THSD7B: variants seen among roughly 807,000 people sequenced by gnomAD.
The protein encoded by THSD7B is thrombospondin type-1 domain-containing protein 7B.
Under a neutral mutation model 213.6 loss-of-function variants are expected in THSD7B, and 138 were observed. That is an observed-to-expected ratio of 0.65 (90% CI 0.56 to 0.74). The LOEUF is 0.74. THSD7B is among the 30% of genes least tolerant of loss of function. The pLI is 0.00. For missense variants in THSD7B, 1,931 were observed against 1,991.5 expected (o/e 0.97, Z 0.58); for synonymous variants, 742 against 687.0 (o/e 1.08, Z -1.25).
intron 4 of THSD7B, among the ~76,000 whole-genome samples, chr2:137,113,594 A>G (rs1212883477): frequency 6.6e-6 from 1 of 151,956 alleles, no homozygotes; most frequent in Non-Finnish European, 1.5e-5. Context: ...GTGCCACCAC[A>G]TCCGGCTAAT....
chr2:137,644,095 G>C (rs1682986938), intron 21 of THSD7B, among the ~76,000 whole-genome samples: 1 of 152,120 alleles, frequency 6.6e-6, no homozygotes, highest in Non-Finnish European at 1.5e-5. Flanking sequence ...GGAGGGTTAT[G>C]GCATCTATTG....
chr2:137,220,243 G>A (rs1196598699), intron 7 of THSD7B, among the ~76,000 whole-genome samples: 1 of 149,814 alleles, frequency 6.7e-6, no homozygotes, highest in Non-Finnish European at 1.5e-5. Flanking sequence ...TTAGAAAATG[G>A]AAAAAAAAAA....
rs1171544740 is a variant in THSD7B at position 137,546,454 on chromosome 2, AT to A, written c.3139-16765del. Among the ~76,000 whole-genome samples the A allele has an allele frequency of 5.9e-4, 18 of 30,652 alleles. 1 individual carries two copies. The highest frequency in any genetic ancestry group is 4.1e-3 in the African/African-American group (16 of 3,864). The allele number at this position is 30,652 out of a possible 152,430, so 20.1% of individuals were successfully genotyped here. ...TATATATTATATATATTATATATAT[AT>A]TATATATAATATATATATATATAAT... is the stretch of plus-strand genomic sequence containing the variant. On this transcript the variant is annotated intron_variant, in intron 15 of 27. Transcript: ENST00000409968.
At chr2:136,879,647 G>A (rs1683585159) in intron 1 of THSD7B, among the ~76,000 whole-genome samples, 1 of 152,052 alleles carries the variant, frequency 6.6e-6, no homozygotes, top group African/African-American at 2.4e-5. Context: ...CTTGTAAGTT[G>A]GATTCCTAGG....
At chr2:137,095,232 G>A in intron 4 of THSD7B, 111 bp downstream of exon 4, 4 of 1,401,690 alleles carry the variant, frequency 2.9e-6, no homozygotes, top group Non-Finnish European at 3.9e-6. Flanking sequence ...TCTTCACTCA[G>A]TATACAAGTT....
At chr2:137,095,150 T>G in intron 4 of THSD7B, 29 bp downstream of exon 4, 1 of 1,607,878 alleles carries the variant, frequency 6.2e-7, no homozygotes, top group Non-Finnish European at 8.5e-7. Flanking sequence ...TTCTTTAGTG[T>G]GAAGGAGGCA....
chr2:136,913,269 G>A (rs1267857714), intron 2 of THSD7B, among the ~76,000 whole-genome samples: 3 of 152,168 alleles, frequency 2.0e-5, no homozygotes, highest in African/African-American at 7.2e-5. Flanking sequence ...AAATTTGTAA[G>A]GAACAAAGCA....
chr2:137,313,850 C>T (rs1343130605), intron 12 of THSD7B, among the ~76,000 whole-genome samples: 1 of 152,204 alleles, frequency 6.6e-6, no homozygotes, highest in Non-Finnish European at 1.5e-5. Context: ...TCTCTTCTGT[C>T]TTGTAGAGTT....
chr2:136,766,271 C>T (rs575365857), intron 1 of THSD7B, among the ~76,000 whole-genome samples: 37 of 152,230 alleles, frequency 2.4e-4, no homozygotes, highest in African/African-American at 3.6e-4. Flanking sequence ...TCTGATTTAT[C>T]GGTGGAGTGT....
chr2:136,994,231 G>T (rs1371704558), intron 2 of THSD7B, among the ~76,000 whole-genome samples: 1 of 152,160 alleles, frequency 6.6e-6, no homozygotes, highest in Non-Finnish European at 1.5e-5. Flanking sequence ...AGAAAAGCAT[G>T]AAGAGGTTTG....
intron 10 of THSD7B, among the ~76,000 whole-genome samples, chr2:137,261,822 A>G (rs1003480935): frequency 8.6e-5 from 13 of 150,954 alleles, no homozygotes; most frequent in African/African-American, 2.9e-4. Flanking sequence ...GACAACTGAT[A>G]TTTAATGTCT....
chr2:137,067,305 C>T (rs1323521674), intron 3 of THSD7B, among the ~76,000 whole-genome samples: 4 of 151,964 alleles, frequency 2.6e-5, no homozygotes, highest in African/African-American at 7.3e-5. Context: ...GTAATTAGAC[C>T]TTTAGTGTGA....
At chr2:137,630,909 G>A (rs565821495) in intron 20 of THSD7B, among the ~76,000 whole-genome samples, 8 of 152,228 alleles carry the variant, frequency 5.3e-5, no homozygotes, top group Middle Eastern at 3.4e-3. Flanking sequence ...ACAAAAGTTC[G>A]CACAATTATC....
intron 15 of THSD7B, among the ~76,000 whole-genome samples, chr2:137,559,642 A>G (rs564892385): frequency 6.6e-6 from 1 of 152,228 alleles, no homozygotes; most frequent in Non-Finnish European, 1.5e-5. Context: ...ACCATTCAGG[A>G]CATAGGCATG....
intron 2 of THSD7B, among the ~76,000 whole-genome samples, chr2:136,882,713 T>C (rs961897234): frequency 1.3e-5 from 2 of 152,182 alleles, no homozygotes; most frequent in Non-Finnish European, 2.9e-5. Flanking sequence ...TAGCTATTTA[T>C]TATTAAATGC....
intron 5 of THSD7B, among the ~76,000 whole-genome samples, chr2:137,117,560 T>C (rs993744029): frequency 6.6e-6 from 1 of 152,148 alleles, no homozygotes; most frequent in Non-Finnish European, 1.5e-5. Context: ...TGAGTCACTA[T>C]TGACATCCCC....
At chr2:137,546,958 T>A (rs1680753211) in intron 15 of THSD7B, among the ~76,000 whole-genome samples, 1 of 151,984 alleles carries the variant, frequency 6.6e-6, no homozygotes, top group African/African-American at 2.4e-5. Context: ...TCATCTGTTT[T>A]TATTTTGTGA....
At chr2:137,530,510 A>G (rs1278406970) in intron 15 of THSD7B, among the ~76,000 whole-genome samples, 1 of 152,010 alleles carries the variant, frequency 6.6e-6, no homozygotes, top group Non-Finnish European at 1.5e-5. Context: ...AAATGACAAC[A>G]AAATAGAGCT....
At chr2:137,215,806 T>C (rs1456546626) in intron 7 of THSD7B, among the ~76,000 whole-genome samples, 3 of 152,206 alleles carry the variant, frequency 2.0e-5, no homozygotes, top group African/African-American at 7.2e-5. Context: ...TGAATATTTC[T>C]TCTCTAAGAT....
Sources: allele counts gnomAD v4.1 joint callset (sites outside exome capture counted in the v4.1 genomes callset), GRCh38; gene constraint gnomAD v4.1.1; transcripts MANE v1.5; gene names NCBI Gene and HGNC (gene_info 2026-07-23, HGNC 2026-07-21).